The following DLC1 variants were observed in gnomAD, a reference collection of about 807,000 sequenced individuals.
The protein encoded by DLC1 is DLC1 Rho GTPase activating protein.
Under a neutral mutation model 140.3 loss-of-function variants are expected in DLC1, and 54 were observed. The ratio of observed to expected loss-of-function variants is 0.38; its 90% CI spans 0.31 to 0.48. The LOEUF is 0.48. DLC1 is among the 20% of genes least tolerant of loss of function. The pLI is 0.96. For missense variants in DLC1, 2,536 were observed against 1,907.0 expected (o/e 1.33, Z -6.14); for synonymous variants, 986 against 728.1 (o/e 1.35, Z -5.70).
rs113897491 is a variant in DLC1 at position 13,270,451 on chromosome 8, G to T, written c.1348+34818C>A. 1.7e-3 allele frequency among the ~76,000 whole-genome samples: 258 copies of T among 152,316 alleles called. 1 individual carries two copies. The highest frequency in any genetic ancestry group is 5.9e-3 in the African/African-American group (244 of 41,566). On this transcript the variant is annotated intron_variant, in intron 5 of 17. Transcript: ENST00000276297. ...GCCACGTGCTTGAAAGCCCAGGCCT[G>T]CTGGTGCTGCTGCTCTTTTCCATGT...
intron 5 of DLC1, among the ~76,000 whole-genome samples, chr8:13,147,594 A>G (rs1487229624): frequency 1.3e-5 from 2 of 152,194 alleles, no homozygotes; most frequent in Admixed American, 1.3e-4. Flanking sequence ...AACCAGGACC[A>G]AGGTTCGAAC....
intron 1 of DLC1, among the ~76,000 whole-genome samples, chr8:13,569,325 C>A (rs570956249): frequency 4.0e-5 from 6 of 151,260 alleles, no homozygotes; most frequent in African/African-American, 1.5e-4. Context: ...CAGTATTACT[C>A]TTTGCGTTAA....
At chr8:13,237,364 A>G (rs1390132215) in intron 5 of DLC1, among the ~76,000 whole-genome samples, 1 of 151,098 alleles carries the variant, frequency 6.6e-6, no homozygotes, top group Non-Finnish European at 1.5e-5. Context: ...GTATATACAC[A>G]CACCACACAC....
At chr8:13,264,994 C>T (rs1362775884) in intron 5 of DLC1, among the ~76,000 whole-genome samples, 1 of 152,158 alleles carries the variant, frequency 6.6e-6, no homozygotes. Context: ...CAGAGATTAC[C>T]TACTCTTCAA....
intron 5 of DLC1, chr8:13,304,922 T>C: frequency 9.9e-7 from 1 of 1,005,406 alleles, no homozygotes; most frequent in Non-Finnish European, 1.2e-6. Flanking sequence ...TCATTAAGAG[T>C]AAAAATAAAC....
At chr8:13,449,658 T>C (rs289636) in intron 2 of DLC1, among the ~76,000 whole-genome samples, 78,684 of 131,530 alleles carry the variant, frequency 0.6, 21,758 homozygotes, top group African/African-American at 0.69. Flanking sequence ...TATCACACAC[T>C]GGGGCCTGTT....
intron 5 of DLC1, among the ~76,000 whole-genome samples, chr8:13,285,314 A>G (rs1439001509): frequency 6.6e-6 from 1 of 152,186 alleles, no homozygotes. Context: ...GTTATCAACA[A>G]CTGGGGTGCT....
intron 4 of DLC1, among the ~76,000 whole-genome samples, chr8:13,385,477 A>G (rs1193254856): frequency 6.6e-6 from 1 of 152,216 alleles, no homozygotes; most frequent in Non-Finnish European, 1.5e-5. Flanking sequence ...ATTGATTTAA[A>G]AATAAATGAA....
intron 2 of DLC1, among the ~76,000 whole-genome samples, chr8:13,461,046 T>C (rs946710973): frequency 3.9e-5 from 6 of 152,196 alleles, no homozygotes; most frequent in African/African-American, 1.2e-4. Flanking sequence ...GACCCTGTCT[T>C]TACAAAGAAA....
At chr8:13,129,618 G>C (rs1217508846) in intron 5 of DLC1, among the ~76,000 whole-genome samples, 1 of 152,210 alleles carries the variant, frequency 6.6e-6, no homozygotes, top group African/African-American at 2.4e-5. Flanking sequence ...CCCAACTCAT[G>C]TAATTCAAAT....
intron 4 of DLC1, among the ~76,000 whole-genome samples, chr8:13,351,364 C>T (rs1834654812): frequency 6.6e-6 from 1 of 152,232 alleles, no homozygotes; most frequent in South Asian, 2.1e-4. Context: ...AGTTCATGGA[C>T]TTCACACTGG....
intron 2 of DLC1, among the ~76,000 whole-genome samples, chr8:13,406,449 A>G (rs913436111): frequency 5.3e-5 from 8 of 152,182 alleles, no homozygotes; most frequent in African/African-American, 1.9e-4. Context: ...AAAAGTTTAT[A>G]GTGTCAAATT....
At chr8:13,232,420 G>C (rs1585967845) in intron 5 of DLC1, among the ~76,000 whole-genome samples, 1 of 151,914 alleles carries the variant, frequency 6.6e-6, no homozygotes. Context: ...TGCAACCTCT[G>C]CCTCCCGGGT....
intron 2 of DLC1, among the ~76,000 whole-genome samples, chr8:13,494,192 A>G (rs1801392676): frequency 6.6e-6 from 1 of 152,196 alleles, no homozygotes; most frequent in Non-Finnish European, 1.5e-5. Context: ...TTCTTTCACA[A>G]CGTGTCATGA....
At chr8:13,393,486 A>G (rs981999688) in intron 4 of DLC1, 67 bp downstream of exon 4, 1 of 1,495,012 alleles carries the variant, frequency 6.7e-7, no homozygotes, top group Non-Finnish European at 9.1e-7. Context: ...TCGAATGAAT[A>G]TCAACTCTTA....
At chr8:13,343,645 A>AAAGT (rs1163845373) in intron 4 of DLC1, among the ~76,000 whole-genome samples, 2 of 152,204 alleles carry the variant, frequency 1.3e-5, no homozygotes, top group Non-Finnish European at 2.9e-5. Context: ...GTGACCTGCC[A>AAAGT]AAGTCAAGCT....
chr8:13,279,435 T>C (rs543472130), intron 5 of DLC1, among the ~76,000 whole-genome samples: 1 of 152,350 alleles, frequency 6.6e-6, no homozygotes, highest in South Asian at 2.1e-4. Flanking sequence ...AGACTTCACC[T>C]ACTTAAGAGG....
At chr8:13,128,845 A>G (rs1217220903) in intron 5 of DLC1, among the ~76,000 whole-genome samples, 1 of 150,038 alleles carries the variant, frequency 6.7e-6, no homozygotes, top group Non-Finnish European at 1.5e-5. Context: ...AAAAAAAAAA[A>G]AGAGAAAAAA....
At chr8:13,498,546 G>A (rs1363353622) in intron 2 of DLC1, among the ~76,000 whole-genome samples, 1 of 152,214 alleles carries the variant, frequency 6.6e-6, no homozygotes, top group East Asian at 1.9e-4. Flanking sequence ...CACATTTTGG[G>A]GGTGGGAGTA....
Sources: gnomAD v4.1 joint callset for allele counts (sites outside exome capture counted in the v4.1 genomes callset) on GRCh38, gnomAD v4.1.1 for gene constraint, MANE v1.5 for transcripts, NCBI Gene and HGNC (gene_info 2026-07-23, HGNC 2026-07-21) for gene names.